The following EXOC7 variants were observed in gnomAD, a reference collection of about 807,000 sequenced individuals.
EXOC7 encodes the protein exocyst complex component Exo70.
In EXOC7, 51 loss-of-function variants were observed where a neutral mutation model predicts 87.6. The ratio of observed to expected loss-of-function variants is 0.58; its 90% confidence interval spans 0.46 to 0.73. The LOEUF (loss-of-function observed/expected upper bound fraction) is 0.73. Ranked by LOEUF, EXOC7 falls within the 30% of genes least tolerant of loss-of-function variation. The pLI is 0.00. For synonymous variants in EXOC7, 327 were observed against 357.1 expected (o/e 0.92, Z 0.95); for missense variants, 744 against 888.4 (o/e 0.84, Z 2.07).
chr17:76,096,530 A>AT (rs1234229027), intron 5 of EXOC7, among the ~76,000 whole-genome samples: 1 of 151,704 alleles, frequency 6.6e-6, no homozygotes, highest in Non-Finnish European at 1.5e-5. Context: ...AAAAAAAAAA[A>AT]AAAGTGCAAC....
At chr17:76,089,052 G>A (rs761155981) in intron 8 of EXOC7, 123 bp downstream of exon 8, 73 of 1,492,530 alleles carry the variant, frequency 4.9e-5, no homozygotes, top group South Asian at 4.6e-5. Flanking sequence ...GGTGGTGAGC[G>A]TCCACCCAGG....
At chr17:76,096,167 G>A (rs891590509) in intron 5 of EXOC7, among the ~76,000 whole-genome samples, 18 of 152,134 alleles carry the variant, frequency 1.2e-4, no homozygotes, top group African/African-American at 4.3e-4. Context: ...GCAAGCCCGC[G>A]CTGACAACTT....
intron 7 of EXOC7, chr17:76,089,564 C>T (rs1359823608): frequency 1.1e-5 from 6 of 564,040 alleles, no homozygotes; most frequent in Non-Finnish European, 1.9e-5. Context: ...ACAGTGGGAT[C>T]AGACACCAGA....
chr17:76,100,034 C>T (rs533877553), intron 4 of EXOC7, among the ~76,000 whole-genome samples: 12 of 151,958 alleles, frequency 7.9e-5, no homozygotes, highest in African/African-American at 2.4e-4. Flanking sequence ...CCCAGGAGTT[C>T]GAGGCTGCAG....
chr17:76,101,921 C>T (rs2068083035), intron 2 of EXOC7, 58 bp from the exon 3 acceptor site: 16 of 1,439,076 alleles, frequency 1.1e-5, no homozygotes, highest in South Asian at 7.9e-5. Context: ...ACTGCTTCTA[C>T]ACACCCACCT....
chr17:76,085,933 T>A, intron 13 of EXOC7, 136 bp from the exon 14 acceptor site: 1 of 1,515,672 alleles, frequency 6.6e-7, no homozygotes, highest in Non-Finnish European at 8.9e-7. Flanking sequence ...CCCCTCAGCC[T>A]CTGAACTAGA....
chr17:76,089,906 G>A (rs918941493), intron 7 of EXOC7: 16 of 184,640 alleles, frequency 8.7e-5, no homozygotes, highest in Non-Finnish European at 1.7e-4. Flanking sequence ...GCTGCCCCAG[G>A]AGGAGGCCAG....
rs535804500 is a variant in EXOC7 at position 76,103,559 on chromosome 17, T to A, written c.60+74A>T. The stretch of plus-strand genomic sequence containing the variant: ...CTCCCTCCCACCCCTGCCTCCTCCA[T>A]GAGTAGACAATCAGGCCCCGCTGTT... On this transcript the variant is annotated intron_variant, in intron 1 of 18. Coordinates refer to ENST00000589210, the MANE Select transcript of EXOC7 (RefSeq NM_001013839.4). 4.4e-5 allele frequency: 64 copies of A among 1,456,112 alleles called. 1 individual carries two copies. The Admixed American group carries it at 9.3e-4, about 21-fold the overall frequency. 90.2% of individuals were successfully genotyped at this position (1,456,112 alleles called of 1,614,324 possible).
In EXOC7 at chr17:76,088,792, A is replaced by C. The variant is rs2067332014; in HGVS notation, c.1179T>G (p.Pro393=). The change falls in exon 9 of 19, where the codon CCT becomes CCG. Residue 393 remains proline (P), a synonymous_variant. Transcript: ENST00000589210. ...PILRHLKQTK[P]EFDQVLQGTA... ...ATACCTGGAGCACCTGGTCAAACTC[A>C]GGCTTGGTCTGCTTGAGGTGTCGCA... The C allele has an allele frequency of 6.2e-7, 1 of 1,613,786 alleles. No homozygotes were observed. Among genetic ancestry groups the C allele is most frequent in the Non-Finnish European group, 8.5e-7 (1 of 1,180,030 alleles).
chr17:76,102,456 A>ACACAC (rs1399592296), intron 2 of EXOC7, among the ~76,000 whole-genome samples: 1 of 141,538 alleles, frequency 7.1e-6, no homozygotes, highest in Non-Finnish European at 1.5e-5. Flanking sequence ...ACACACACAC[A>ACACAC]ATTAGCAAGG....
Position 76,089,322 on chromosome 17 carries a change from TG to T in EXOC7, c.902-3del, listed in dbSNP as rs767353873. 4.8e-5 allele frequency: 77 copies of T among 1,613,754 alleles called. No individual in the cohort carries two copies. In the South Asian group the frequency reaches 8.0e-4, roughly 17 times the overall value. ...CCACGTCCAGCATGTCATCTCTCCC[TG>T]GGGGATGGCACAACTCTTGAGCTGC... On this transcript the variant is annotated splice_polypyrimidine_tract_variant and splice_region_variant and intron_variant, in intron 7 of 18. Transcript: ENST00000589210.
chr17:76,103,433 G>T lies in EXOC7; in HGVS notation c.61-7C>A, dbSNP rs757385351. Reference sequence around the variant, plus strand: ...AGGACAGAGTCTCCTCCTCCTGGGGGCAGGCAAGGGGAGGACATCACCAGA... The same window carrying T: ...AGGACAGAGTCTCCTCCTCCTGGGGTCAGGCAAGGGGAGGACATCACCAGA... On this transcript the variant is annotated splice_polypyrimidine_tract_variant and splice_region_variant and intron_variant, in intron 1 of 18. Coordinates refer to ENST00000589210, the MANE Select transcript of EXOC7 (RefSeq NM_001013839.4). The T allele has an allele frequency of 6.3e-7, 1 of 1,597,184 alleles. No homozygotes were observed. Among genetic ancestry groups the T allele is most frequent in the East Asian group, 2.2e-5 (1 of 44,678 alleles).
intron 7 of EXOC7, chr17:76,090,172 C>T: frequency 1.2e-6 from 1 of 839,508 alleles, no homozygotes; most frequent in Non-Finnish European, 1.8e-6. Flanking sequence ...GCAAGGAGAC[C>T]TAGGCCCAAA....
At chr17:76,094,852 C>T (rs1364099947) in intron 5 of EXOC7, among the ~76,000 whole-genome samples, 1 of 151,170 alleles carries the variant, frequency 6.6e-6, no homozygotes, top group Non-Finnish European at 1.5e-5. Flanking sequence ...CTCAAGTAAT[C>T]TGACCACTTC....
chr17:76,084,372 C>A, intron 16 of EXOC7, 83 bp from the exon 17 acceptor site: 1 of 1,595,402 alleles, frequency 6.3e-7, no homozygotes, highest in South Asian at 1.1e-5. Flanking sequence ...CACCCTTGGT[C>A]TGGGCCTGTC....
chr17:76,089,057 C>T, intron 8 of EXOC7, 118 bp downstream of exon 8: 1 of 1,525,194 alleles, frequency 6.6e-7, no homozygotes, highest in East Asian at 2.3e-5. Context: ...TGAGCGTCCA[C>T]CCAGGACCGG....
At chr17:76,085,850 C>T in intron 13 of EXOC7, 53 bp from the exon 14 acceptor site, 1 of 1,592,000 alleles carries the variant, frequency 6.3e-7, no homozygotes, top group Non-Finnish European at 8.6e-7. Context: ...ACCCAAACGA[C>T]CCCACCCCAG....
chr17:76,090,432 G>T (rs765138832), intron 7 of EXOC7: 2 of 1,551,622 alleles, frequency 1.3e-6, no homozygotes, highest in Admixed American at 3.9e-5. Flanking sequence ...CACAAGCAGC[G>T]TTTATCCAGG....
intron 8 of EXOC7, 60 bp downstream of exon 8, chr17:76,089,115 G>C: frequency 6.2e-7 from 1 of 1,603,560 alleles, no homozygotes; most frequent in Non-Finnish European, 8.5e-7. Context: ...AGGGCTGCAA[G>C]AGTCTGTTGT....
Sources: gnomAD v4.1 joint callset for allele counts (sites outside exome capture counted in the v4.1 genomes callset) on GRCh38, gnomAD v4.1.1 for gene constraint, MANE v1.5 for transcripts, NCBI Gene and HGNC (gene_info 2026-07-23, HGNC 2026-07-21) for gene names.